Variants in PCSK5 observed in about 807,000 individuals in gnomAD.
The protein encoded by PCSK5 is prohormone convertase 5.
Under a neutral mutation model 233.2 loss-of-function variants are expected in PCSK5, and 129 were observed. The observed-to-expected ratio is 0.55, with a 90% CI of 0.48 to 0.64. The LOEUF is 0.64. PCSK5 is among the 30% of genes least tolerant of loss of function. The probability of loss-of-function intolerance (pLI) is 0.00; values close to 1 mark genes in which losing one functional copy is unlikely to be tolerated. For synonymous variants in PCSK5, 825 were observed against 879.2 expected, an observed-to-expected ratio of 0.94 and a Z score of 1.09; for missense variants, 2,076 against 2,430.1, an observed-to-expected ratio of 0.85 and a Z score of 3.06.
At chr9:76,318,004 T>C (rs1211412148) in intron 30 of PCSK5, among the ~76,000 whole-genome samples, 2 of 152,104 alleles carry the variant, frequency 1.3e-5, no homozygotes, top group African/African-American at 4.8e-5. Context: ...TGGCGCTAAC[T>C]CACTAATGGA....
chr9:76,129,125 A>C (rs1822649771), intron 9 of PCSK5, among the ~76,000 whole-genome samples: 1 of 152,172 alleles, frequency 6.6e-6, no homozygotes, highest in Non-Finnish European at 1.5e-5. Flanking sequence ...GGCTTTAAAT[A>C]CTTTCTGCTT....
intron 2 of PCSK5, among the ~76,000 whole-genome samples, chr9:75,957,315 A>G (rs183668838): frequency 1.2e-4 from 18 of 152,306 alleles, no homozygotes; most frequent in Admixed American, 1.2e-3. Flanking sequence ...TGGGTGGTCT[A>G]GCGTGCCTTA....
At chr9:75,969,143 C>G (rs1033050702) in intron 2 of PCSK5, among the ~76,000 whole-genome samples, 2 of 152,136 alleles carry the variant, frequency 1.3e-5, no homozygotes, top group Admixed American at 1.3e-4. Context: ...AAATTGGTTA[C>G]AAACGACAAT....
chr9:76,108,393 C>G (rs1832065546), intron 9 of PCSK5, among the ~76,000 whole-genome samples: 1 of 152,188 alleles, frequency 6.6e-6, no homozygotes, highest in African/African-American at 2.4e-5. Flanking sequence ...TAGCTGCACC[C>G]TGAAGTAGAG....
intron 16 of PCSK5, among the ~76,000 whole-genome samples, chr9:76,183,521 T>G (rs1015554300): frequency 9.9e-5 from 15 of 152,224 alleles, no homozygotes; most frequent in Non-Finnish European, 1.9e-4. Flanking sequence ...TAATCTCATT[T>G]TAATGAATAA....
intron 3 of PCSK5, among the ~76,000 whole-genome samples, chr9:75,989,888 T>C (rs1194770449): frequency 6.6e-6 from 1 of 152,078 alleles, no homozygotes; most frequent in Non-Finnish European, 1.5e-5. Flanking sequence ...GTGGGTGGCG[T>C]ACTAGGAGGT....
intron 24 of PCSK5, among the ~76,000 whole-genome samples, chr9:76,264,029 G>A (rs1308297820): frequency 7.2e-5 from 11 of 152,122 alleles, no homozygotes; most frequent in African/African-American, 2.7e-4. Flanking sequence ...AAGAAAGCTG[G>A]AGGCATTACA....
chr9:76,211,839 C>A (rs1368086590), intron 20 of PCSK5, among the ~76,000 whole-genome samples: 3 of 152,116 alleles, frequency 2.0e-5, no homozygotes, highest in Non-Finnish European at 2.9e-5. Context: ...GAGAATGAGA[C>A]CGTGTCTCAA....
intron 3 of PCSK5, among the ~76,000 whole-genome samples, chr9:76,011,526 G>A (rs1024960941): frequency 2.0e-5 from 3 of 152,188 alleles, no homozygotes; most frequent in Non-Finnish European, 4.4e-5. Context: ...TGATTTTGCT[G>A]ATTGTCAGAA....
chr9:76,250,199 G>A (rs962907594), intron 24 of PCSK5, among the ~76,000 whole-genome samples: 1 of 152,158 alleles, frequency 6.6e-6, no homozygotes, highest in Non-Finnish European at 1.5e-5. Context: ...CTACTCAGGA[G>A]GCTGAGCCAG....
upstream of PCSK5, among the ~76,000 whole-genome samples, chr9:75,889,881 A>G (rs148248914): frequency 1.3e-5 from 2 of 152,298 alleles, no homozygotes; most frequent in East Asian, 1.9e-4. Context: ...TTTTCATATT[A>G]AAGTCTTTCA....
intron 26 of PCSK5, 107 bp downstream of exon 26, chr9:76,295,518 G>C (rs555059594): frequency 4.2e-6 from 4 of 950,702 alleles, no homozygotes; most frequent in East Asian, 5.1e-5. Flanking sequence ...CTGTGCGTGT[G>C]GGCACCTCTG....
intron 16 of PCSK5, 40 bp downstream of exon 16, chr9:76,181,631 G>T (rs749667467): frequency 5.5e-6 from 8 of 1,457,248 alleles, no homozygotes; most frequent in Non-Finnish European, 7.6e-6. Context: ...GAGAAGAAAT[G>T]TGGTGTTTTC....
chr9:76,189,993 CTT>C (rs753172362), intron 20 of PCSK5, among the ~76,000 whole-genome samples: 32 of 152,194 alleles, frequency 2.1e-4, no homozygotes, highest in Admixed American at 1.1e-3. Context: ...AATTAATAAA[CTT>C]TATTTTTTGA....
intron 24 of PCSK5, among the ~76,000 whole-genome samples, chr9:76,248,937 ATT>A (rs1404845988): frequency 5.3e-5 from 8 of 152,100 alleles, no homozygotes; most frequent in Admixed American, 5.2e-4. Context: ...GGACTAATTT[ATT>A]TTTTGTAGAG....
chr9:75,933,637 GA>G (rs1212467370), intron 2 of PCSK5, among the ~76,000 whole-genome samples: 1 of 152,144 alleles, frequency 6.6e-6, no homozygotes, highest in African/African-American at 2.4e-5. Context: ...TCATGATTAT[GA>G]AATTGTAACT....
At chr9:75,904,850 G>A (rs559065561) in intron 1 of PCSK5, among the ~76,000 whole-genome samples, 1 of 152,306 alleles carries the variant, frequency 6.6e-6, no homozygotes, top group Admixed American at 6.5e-5. Flanking sequence ...TTGTAGATAA[G>A]TGTTCATGCC....
intron 3 of PCSK5, among the ~76,000 whole-genome samples, chr9:76,013,670 T>C (rs765089258): frequency 6.6e-6 from 1 of 152,196 alleles, no homozygotes; most frequent in African/African-American, 2.4e-5. Flanking sequence ...CAAAAGCTGA[T>C]TGCAGAATGA....
At chr9:76,064,780 G>C (rs1204677927) in intron 5 of PCSK5, among the ~76,000 whole-genome samples, 1 of 149,212 alleles carries the variant, frequency 6.7e-6, no homozygotes, top group South Asian at 2.2e-4. Context: ...ATGGGGCGGC[G>C]GGGCAGAGGC....
Sources: gnomAD v4.1 joint callset for allele counts (sites outside exome capture counted in the v4.1 genomes callset) on GRCh38, gnomAD v4.1.1 for gene constraint, MANE v1.5 for transcripts, NCBI Gene and HGNC (gene_info 2026-07-23, HGNC 2026-07-21) for gene names.